PRKAG2: variants seen among roughly 807,000 people sequenced by gnomAD.
PRKAG2 encodes the protein protein kinase AMP-activated non-catalytic subunit gamma 2, also known as 5'-AMP-activated protein kinase subunit gamma-2.
Under a neutral mutation model 69.6 loss-of-function variants are expected in PRKAG2, and 26 were observed. That is an observed-to-expected ratio of 0.37 (90% CI 0.27 to 0.52). PRKAG2 has a LOEUF of 0.52. PRKAG2 is among the 20% of genes least tolerant of loss of function. The probability of loss-of-function intolerance (pLI) is 0.90; values close to 1 mark genes in which losing one functional copy is unlikely to be tolerated. For missense variants in PRKAG2, 557 were observed against 740.0 expected (o/e 0.75, Z 2.87); for synonymous variants, 293 against 285.0 (o/e 1.03, Z -0.28).
chr7:151,844,552 G>T (rs1373254779), intron 1 of PRKAG2, among the ~76,000 whole-genome samples: 1 of 152,172 alleles, frequency 6.6e-6, no homozygotes, highest in African/African-American at 2.4e-5. Context: ...ATTTTAGGTA[G>T]GTCATACGAA....
chr7:151,698,645 G>A (rs1837126045), intron 3 of PRKAG2, among the ~76,000 whole-genome samples: 2 of 152,050 alleles, frequency 1.3e-5, no homozygotes, highest in African/African-American at 2.4e-5. Context: ...CTGAGGCCTC[G>A]CCAGGAGCAG....
At chr7:151,591,176 A>G (rs1813033763) in intron 6 of PRKAG2, among the ~76,000 whole-genome samples, 3 of 152,094 alleles carry the variant, frequency 2.0e-5, no homozygotes, top group Admixed American at 6.6e-5. Flanking sequence ...TTCCCAATGT[A>G]GTATCTTGGG....
chr7:151,785,454 AGCT>A (rs2151814337), intron 2 of PRKAG2, among the ~76,000 whole-genome samples: 1 of 152,262 alleles, frequency 6.6e-6, no homozygotes, highest in East Asian at 1.9e-4. Flanking sequence ...GGGCCACGAG[AGCT>A]GCTAATAAGG....
chr7:151,787,742 G>T (rs1230837030), intron 1 of PRKAG2, among the ~76,000 whole-genome samples: 1 of 152,174 alleles, frequency 6.6e-6, no homozygotes, highest in African/African-American at 2.4e-5. Flanking sequence ...CTCAGAATGT[G>T]ACTGTATTTG....
intron 4 of PRKAG2, among the ~76,000 whole-genome samples, chr7:151,634,879 T>C (rs1445720404): frequency 6.6e-6 from 1 of 151,320 alleles, no homozygotes; most frequent in East Asian, 1.9e-4. Context: ...CTGGTAAGGA[T>C]GTAGAGAGAC....
intron 3 of PRKAG2, among the ~76,000 whole-genome samples, chr7:151,776,162 C>CTGATTCT (rs2076335894): frequency 6.6e-6 from 1 of 152,174 alleles, no homozygotes; most frequent in Non-Finnish European, 1.5e-5. Flanking sequence ...CTCAAGGGCA[C>CTGATTCT]CAACATGAGC....
rs1824969042 is a variant in PRKAG2 at position 151,632,669 on chromosome 7, C to T, written c.685-531G>A. 3 of 920,942 alleles carry T rather than the reference C, an allele frequency of 3.3e-6. No individual in the cohort carries two copies. The highest frequency in any genetic ancestry group is 6.2e-5 in the Admixed American group (1 of 16,188). 57.0% of individuals were successfully genotyped at this position (920,942 alleles called of 1,614,324 possible). A position where few individuals can be genotyped will look rare whatever the true frequency, so the allele number is the denominator to read the frequency against. On this transcript the variant is annotated intron_variant, in intron 4 of 15. Transcript: ENST00000287878. This position sits in a 1 kb window ranked among gnomAD's most constrained non-coding sequence, Gnocchi z 4.2. ...AGAGGGGCTGGAGGCTGCAGAACGC[C>T]CCGGGGCGCCAGCTAGGGGATCCTT...
At chr7:151,600,759 C>T (rs1018503289) in intron 5 of PRKAG2, among the ~76,000 whole-genome samples, 2 of 152,318 alleles carry the variant, frequency 1.3e-5, no homozygotes, top group South Asian at 2.1e-4. Context: ...TTGCCTTAAA[C>T]GTCCTCCTCC....
At chr7:151,658,002 A>G (rs981222894) in intron 4 of PRKAG2, among the ~76,000 whole-genome samples, 3 of 151,704 alleles carry the variant, frequency 2.0e-5, no homozygotes, top group African/African-American at 4.8e-5. Flanking sequence ...TACTAAAAAT[A>G]CAAAAATTAG....
At chr7:151,584,510 A>T (rs559435389) in intron 6 of PRKAG2, among the ~76,000 whole-genome samples, 3 of 152,358 alleles carry the variant, frequency 2.0e-5, no homozygotes, top group East Asian at 3.9e-4. Flanking sequence ...GAATGAAAAG[A>T]AAAATTGAAA....
chr7:151,784,304 C>T (rs12703157), intron 2 of PRKAG2, among the ~76,000 whole-genome samples: 96,617 of 151,982 alleles, frequency 0.64, 34,374 homozygotes, highest in East Asian at 0.87. Flanking sequence ...GCATAGGGAG[C>T]TTGCTGGGGA....
intron 3 of PRKAG2, among the ~76,000 whole-genome samples, chr7:151,731,042 G>A (rs1026255954): frequency 2.0e-5 from 3 of 152,172 alleles, no homozygotes; most frequent in East Asian, 1.9e-4. Context: ...CCCTTAAGAC[G>A]CTAAATGGTT....
rs922005353 is a variant in PRKAG2, at chr7:151,567,882, G to T, written c.1233+834C>A. Among the ~76,000 whole-genome samples, 2 of 152,224 alleles carry T rather than the reference G, an allele frequency of 1.3e-5. No individual in the cohort carries two copies. The highest frequency in any genetic ancestry group is 2.9e-5 in the Non-Finnish European group (2 of 68,042). ...CCTTCACACTGCACCGGAACGCTAT[G>T]TTAGGTCCTTAGGTGAAGCCATGGG... On this transcript the variant is annotated intron_variant, in intron 11 of 15. Coordinates refer to ENST00000287878, the MANE Select transcript of PRKAG2 (RefSeq NM_016203.4). The surrounding 1 kb of genome is among the most constrained non-coding windows in gnomAD (Gnocchi z 4.2).
chr7:151,658,263 G>A (rs1220344641), intron 4 of PRKAG2, among the ~76,000 whole-genome samples: 6 of 150,930 alleles, frequency 4.0e-5, no homozygotes, highest in Admixed American at 6.6e-5. Flanking sequence ...TGAGGCGGGC[G>A]GATCATGAGG....
intron 3 of PRKAG2, among the ~76,000 whole-genome samples, chr7:151,753,605 A>T (rs2074862263): frequency 6.6e-6 from 1 of 152,182 alleles, no homozygotes; most frequent in Admixed American, 6.5e-5. Context: ...TTTTTTAGAG[A>T]CAGAGTCTCA....
In PRKAG2 at chr7:151,650,534, C is replaced by T. The variant is rs534255950; in HGVS notation, c.685-18396G>A. On this transcript the variant is annotated intron_variant, in intron 4 of 15. Transcript: ENST00000287878. Reference sequence around the variant, plus strand: ...TTGACAACAGTGACATATGCTGACACGCTATACTAGCAGTTTGAAAACTGG... The same window carrying T: ...TTGACAACAGTGACATATGCTGACATGCTATACTAGCAGTTTGAAAACTGG... Among the ~76,000 whole-genome samples the T allele has an allele frequency of 3.2e-4, 49 of 152,246 alleles. No homozygotes were observed. In the South Asian group the frequency reaches 3.5e-3, roughly 11 times the overall value.
intron 1 of PRKAG2, among the ~76,000 whole-genome samples, chr7:151,859,037 G>C (rs1173935840): frequency 1.3e-5 from 2 of 152,214 alleles, no homozygotes; most frequent in Non-Finnish European, 2.9e-5. Context: ...CTCAGATCAA[G>C]GAAAGCTCAG....
At chr7:151,593,616 T>A (rs1166495820) in intron 6 of PRKAG2, among the ~76,000 whole-genome samples, 1 of 152,178 alleles carries the variant, frequency 6.6e-6, no homozygotes, top group African/African-American at 2.4e-5. Flanking sequence ...GTTCCTTTAT[T>A]TTGGGAATTC....
intron 3 of PRKAG2, among the ~76,000 whole-genome samples, chr7:151,696,768 C>A (rs193074054): frequency 0.012 from 1,803 of 152,218 alleles, 23 homozygotes; most frequent in South Asian, 0.027. Context: ...AACGATCACA[C>A]CAGGGAGGAG....
Sources: gnomAD v4.1 joint callset for allele counts (sites outside exome capture counted in the v4.1 genomes callset) on GRCh38, gnomAD v4.1.1 for gene constraint, Gnocchi (gnomAD v3.1) non-coding constraint, MANE v1.5 for transcripts, NCBI Gene and HGNC (gene_info 2026-07-23, HGNC 2026-07-21) for gene names.